Variants in HYDIN observed in about 807,000 individuals in gnomAD.
HYDIN encodes the protein axonemal central pair apparatus protein HYDIN.
A neutral mutation model predicts 403.9 loss-of-function variants in HYDIN; 132 were observed. The observed-to-expected ratio is 0.33, with a 90% confidence interval of 0.28 to 0.38. The LOEUF is 0.38. Ranked by LOEUF, HYDIN falls within the 10% of genes least tolerant of loss-of-function variation. The pLI, the probability that HYDIN is intolerant of heterozygous loss-of-function variation, is 1.00. For synonymous variants in HYDIN, 1,202 were observed against 1,891.7 expected (o/e 0.64, Z 9.46); for missense variants, 2,827 against 5,009.5 (o/e 0.56, Z 13.15).
intron 53 of HYDIN, among the ~76,000 whole-genome samples, chr16:70,897,232 G>A (rs1243270357): frequency 3.3e-5 from 5 of 151,994 alleles, no homozygotes; most frequent in Admixed American, 1.3e-4. Flanking sequence ...ACTAGGAGGC[G>A]GTAAAGGGTC....
chr16:71,081,428 T>C (rs1407136184), intron 12 of HYDIN, among the ~76,000 whole-genome samples: 1 of 151,628 alleles, frequency 6.6e-6, no homozygotes, highest in African/African-American at 2.4e-5. Context: ...TGGGATCCAG[T>C]TGAGAACGAC....
At chr16:71,210,835 CA>C (rs1181823394) in intron 1 of HYDIN, among the ~76,000 whole-genome samples, 1 of 151,286 alleles carries the variant, frequency 6.6e-6, no homozygotes, top group African/African-American at 2.4e-5. Context: ...GTATTGATTT[CA>C]AAAAAAATTT....
chr16:71,034,569 T>C (rs917544433), intron 18 of HYDIN, among the ~76,000 whole-genome samples: 7 of 151,858 alleles, frequency 4.6e-5, no homozygotes, highest in Non-Finnish European at 8.8e-5. Flanking sequence ...GAAAATCTAA[T>C]ATTTAAAGCA....
intron 3 of HYDIN, among the ~76,000 whole-genome samples, chr16:71,183,236 A>G (rs2086981635): frequency 1.3e-5 from 2 of 152,092 alleles, no homozygotes; most frequent in African/African-American, 2.4e-5. Context: ...AAATATATAC[A>G]TAACTCAAAG....
intron 25 of HYDIN, among the ~76,000 whole-genome samples, chr16:70,990,431 A>G (rs1303459572): frequency 7.5e-6 from 1 of 133,722 alleles, no homozygotes; most frequent in South Asian, 2.4e-4. Flanking sequence ...AAAAAAAAAA[A>G]GCTTAGGTCA....
chr16:71,228,388 G>A (rs1335260925), intron 1 of HYDIN, among the ~76,000 whole-genome samples: 1 of 152,150 alleles, frequency 6.6e-6, no homozygotes, highest in Non-Finnish European at 1.5e-5. Flanking sequence ...TACAGAATGG[G>A]AGAAAATTTT....
At chr16:70,998,042 T>C (rs942037563) in intron 23 of HYDIN, among the ~76,000 whole-genome samples, 3 of 152,198 alleles carry the variant, frequency 2.0e-5, no homozygotes, top group Non-Finnish European at 4.4e-5. Flanking sequence ...CATTCAAAAA[T>C]GTGATGCAAA....
chr16:70,859,793 C>T (rs1461764776), intron 71 of HYDIN, among the ~76,000 whole-genome samples: 1 of 152,042 alleles, frequency 6.6e-6, no homozygotes, highest in Non-Finnish European at 1.5e-5. Context: ...CATTGGTGTC[C>T]AGTTACCTTT....
chr16:71,093,029 C>G (rs1000756758), intron 11 of HYDIN, among the ~76,000 whole-genome samples: 1 of 142,406 alleles, frequency 7.0e-6, no homozygotes, highest in Admixed American at 7.3e-5. Context: ...GATTAGAAAT[C>G]ACACACACAC....
At chr16:71,028,121 C>A (rs1335854800) in intron 19 of HYDIN, among the ~76,000 whole-genome samples, 1 of 151,076 alleles carries the variant, frequency 6.6e-6, no homozygotes, top group Non-Finnish European at 1.5e-5. Context: ...GCAGGCCCCA[C>A]ACACTGCAGG....
chr16:71,049,007 C>A (rs2081544465), intron 18 of HYDIN, among the ~76,000 whole-genome samples: 1 of 152,204 alleles, frequency 6.6e-6, no homozygotes, highest in Non-Finnish European at 1.5e-5. Flanking sequence ...CGAGTTGAAG[C>A]TTTAAAACAT....
At chr16:70,925,732 A>G (rs2077134417) in intron 45 of HYDIN, among the ~76,000 whole-genome samples, 1 of 151,634 alleles carries the variant, frequency 6.6e-6, no homozygotes. Context: ...GCTAATATCC[A>G]GAATCTACAA....
intron 62 of HYDIN, among the ~76,000 whole-genome samples, chr16:70,875,334 T>C (rs2040382286): frequency 6.6e-6 from 1 of 152,126 alleles, no homozygotes; most frequent in Non-Finnish European, 1.5e-5. Flanking sequence ...TCCTAGGTGC[T>C]ATGCATTAGT....
At position 70,861,917 on chromosome 16, in the gene HYDIN, G is replaced by C. The variant is rs2039439150; in HGVS notation, c.11777+131C>G. ...CCTTTAGATCCTTCCAAAGGGAAAA[G>C]GGATAATTTGGGGATGTGCAGGGAT... On this transcript the variant is annotated intron_variant, in intron 69 of 85. Transcript: ENST00000393567. The C allele has an allele frequency of 8.9e-6, 7 of 782,128 alleles. No individual in the cohort carries two copies. The East Asian group carries it at 2.0e-4, about 22-fold the overall frequency. The allele number at this position is 782,128 out of a possible 1,614,324, so 48.4% of individuals were successfully genotyped here. A position where few individuals can be genotyped will look rare whatever the true frequency, so the allele number is the denominator to read the frequency against.
chr16:70,920,561 G>C (rs758597579), intron 46 of HYDIN, 30 bp downstream of exon 46: 2 of 1,553,326 alleles, frequency 1.3e-6, no homozygotes, highest in African/African-American at 1.4e-5. Flanking sequence ...CCTGACTTGA[G>C]ACTTCCCCAC....
At chr16:70,996,470 G>T (rs1209712410) in intron 23 of HYDIN, among the ~76,000 whole-genome samples, 1 of 151,900 alleles carries the variant, frequency 6.6e-6, no homozygotes, top group Non-Finnish European at 1.5e-5. Context: ...AGAGGGCTTG[G>T]GTTTGAATTC....
At chr16:71,201,536 G>C (rs955610222) in intron 1 of HYDIN, among the ~76,000 whole-genome samples, 1 of 152,116 alleles carries the variant, frequency 6.6e-6, no homozygotes, top group African/African-American at 2.4e-5. Context: ...TCAGAACACA[G>C]CACATGACCC....
intron 11 of HYDIN, among the ~76,000 whole-genome samples, chr16:71,089,397 G>C (rs570058998): frequency 6.6e-6 from 1 of 151,912 alleles, no homozygotes; most frequent in Non-Finnish European, 1.5e-5. Flanking sequence ...CTTACACCTA[G>C]AGGGTGAACA....
chr16:70,971,493 TAGAAATCCTG>T (rs2078732058), intron 35 of HYDIN, among the ~76,000 whole-genome samples: 1 of 151,790 alleles, frequency 6.6e-6, no homozygotes, highest in African/African-American at 2.4e-5. Context: ...ATTCCATCCC[TAGAAATCCTG>T]ACTCTGTAGG....
Sources: allele counts gnomAD v4.1 joint callset (sites outside exome capture counted in the v4.1 genomes callset), GRCh38; gene constraint gnomAD v4.1.1; transcripts MANE v1.5; gene names NCBI Gene and HGNC (gene_info 2026-07-23, HGNC 2026-07-21).